TBC1D2: variants seen among roughly 807,000 people sequenced by gnomAD.
TBC1D2 encodes TBC1 domain family member 2A.
In TBC1D2, 58 loss-of-function variants were observed where a neutral mutation model predicts 91.1. The observed-to-expected ratio is 0.64, with a 90% CI of 0.52 to 0.79. The LOEUF is 0.79. Among genes scored for constraint, TBC1D2 ranks in the 30% least tolerant of loss-of-function variants. The pLI is 0.00. For synonymous variants in TBC1D2, 482 were observed against 511.5 expected (o/e 0.94, Z 0.78); for missense variants, 1,080 against 1,208.3 (o/e 0.89, Z 1.57).
chr9:98,255,053 G>C, intron 1 of TBC1D2, 120 bp downstream of exon 1: 1 of 1,461,934 alleles, frequency 6.8e-7, no homozygotes, highest in Non-Finnish European at 9.1e-7. Context: ...CAAAGTTCTT[G>C]GAACTGTCGT....
In TBC1D2 at chr9:98,199,314, G is replaced by A. The variant is rs938623167; in HGVS notation, c.*67C>T. On this transcript the variant is annotated 3_prime_UTR_variant, in exon 13 of 13. Transcript: ENST00000465784. ...ACACCCAGGGCTGGGCCACTGGTCCGTGCCTGACCTCCAGTGGGTCTGCCA... is the reference window on the plus strand; with the variant it reads ...ACACCCAGGGCTGGGCCACTGGTCCATGCCTGACCTCCAGTGGGTCTGCCA... 2.9e-5 allele frequency: 45 copies of A among 1,575,424 alleles called. No homozygotes were observed. In the East Asian group the frequency reaches 3.4e-4, roughly 12 times the overall value.
intron 4 of TBC1D2, 65 bp from the exon 5 acceptor site, chr9:98,229,213 G>T (rs1829310087): frequency 6.7e-7 from 1 of 1,496,680 alleles, no homozygotes; most frequent in Non-Finnish European, 9.2e-7. Context: ...ACCTGAGCTT[G>T]CTTTAGAAGC....
At chr9:98,253,738 C>G (rs1676909658) in intron 1 of TBC1D2, among the ~76,000 whole-genome samples, 1 of 152,158 alleles carries the variant, frequency 6.6e-6, no homozygotes. Flanking sequence ...CTAGCCCCTT[C>G]CACTTGGTGG....
At chr9:98,227,781 CA>C (rs142610908) in intron 5 of TBC1D2, among the ~76,000 whole-genome samples, 49,465 of 105,942 alleles carry the variant, frequency 0.47, 10,544 homozygotes, top group African/African-American at 0.69. Context: ...GACTCTGTCT[CA>C]AAAAAAAAAA....
At chr9:98,244,398 C>A (rs915602140) in intron 2 of TBC1D2, among the ~76,000 whole-genome samples, 2 of 152,146 alleles carry the variant, frequency 1.3e-5, no homozygotes, top group Admixed American at 6.6e-5. Flanking sequence ...GTGGCTCATG[C>A]CTGTAATCTC....
chr9:98,208,963 T>G lies in TBC1D2; in HGVS notation c.1855A>C (p.Lys619Gln). Residue 619 changes from lysine (K) to glutamine (Q), a missense_variant, in exon 9 of 13, where the codon AAG becomes CAG. Lys to Gln is a moderately conservative substitution (Grantham distance 53, BLOSUM62 1). Transcript: ENST00000465784. ...GGTACTCCTGCCCGCAGTAGCTGCTTGAGCTCGGCTGAGGGCACAAGATCG... is the reference window on the plus strand; with the variant it reads ...GGTACTCCTGCCCGCAGTAGCTGCTGGAGCTCGGCTGAGGGCACAAGATCG... ...LGDLVPSAEL[K>Q]QLLRAGVPRE... 6.2e-7 allele frequency: 1 copy of G among 1,614,074 alleles called. No individual in the cohort carries two copies. Among genetic ancestry groups the G allele is most frequent in the Non-Finnish European group, 8.5e-7 (1 of 1,180,004 alleles).
chr9:98,210,859 G>A lies in TBC1D2; in HGVS notation c.1486-16C>T, dbSNP rs372602011. On this transcript the variant is annotated splice_polypyrimidine_tract_variant and intron_variant, in intron 7 of 12. Coordinates refer to ENST00000465784, the MANE Select transcript of TBC1D2 (RefSeq NM_001267571.2). Reference sequence around the variant, plus strand: ...GGTAGGCGCACTGCAAACAGGGAAAGGCTGGTCAGGCTACCGGGTGGGAGC... The same window carrying A: ...GGTAGGCGCACTGCAAACAGGGAAAAGCTGGTCAGGCTACCGGGTGGGAGC... 8.4e-6 allele frequency: 13 copies of A among 1,547,290 alleles called. No homozygotes were observed. Among genetic ancestry groups the A allele is most frequent in the East Asian group, 7.3e-5 (3 of 40,828 alleles).
At chr9:98,207,995 C>T (rs1049316966) in intron 9 of TBC1D2, among the ~76,000 whole-genome samples, 5 of 152,130 alleles carry the variant, frequency 3.3e-5, no homozygotes, top group Admixed American at 1.3e-4. Context: ...CTCTTTTCCC[C>T]GGGTCTTCTG....
chr9:98,239,022 C>T (rs1056046079), intron 3 of TBC1D2, among the ~76,000 whole-genome samples: 4 of 151,958 alleles, frequency 2.6e-5, no homozygotes, highest in Non-Finnish European at 5.9e-5. Context: ...TGTGCCTGGC[C>T]TCCTTCTAGA....
In TBC1D2 at chr9:98,201,606, T is replaced by C. The variant is rs1429849184; in HGVS notation, c.2330A>G (p.His777Arg). Residue 777 changes from histidine to arginine, a missense_variant, in exon 11 of 13, where the codon CAT becomes CGT. By Grantham distance (29) the His-to-Arg change is conservative (BLOSUM62 0). Transcript: ENST00000465784. The stretch of plus-strand genomic sequence containing the variant: ...GAGATCCACGTGGTGCTGCCCCAGA[T>C]GGGCCATCAGCCTGGGCAGCTTCTC... The part of the protein sequence containing the change: ...LSEKLPRLMA[H>R]LGQHHVDLSL... The C allele has an allele frequency of 1.9e-6, 3 of 1,614,072 alleles. No homozygotes were observed. In the South Asian group the frequency reaches 3.3e-5, roughly 18 times the overall value.
rs1441527146 is a variant in TBC1D2 at position 98,209,100 on chromosome 9, A to C, written c.1718T>G (p.Val573Gly). 6.2e-7 allele frequency: 1 copy of C among 1,613,920 alleles called. No homozygotes were observed. Among genetic ancestry groups the C allele is most frequent in the Non-Finnish European group, 8.5e-7 (1 of 1,179,980 alleles). Reference sequence around the variant, plus strand: ...CTTGGCCAGCAGCTTCAGGTCTTCCACCTCATAGTCGGGCACCGTCAGGAA... The same window carrying C: ...CTTGGCCAGCAGCTTCAGGTCTTCCCCCTCATAGTCGGGCACCGTCAGGAA... ...YGFLTVPDYE[V>G]EDLKLLAKIQ... Residue 573 changes from valine (V) to glycine (G), a missense_variant, in exon 9 of 13, where the codon GTG becomes GGG. Val to Gly is a moderately radical substitution (Grantham distance 109). Coordinates refer to ENST00000465784, the MANE Select transcript of TBC1D2 (RefSeq NM_001267571.2).
chr9:98,224,275 CTTTTCTTTTTTTTTTTTTT>C (rs1243085909), intron 5 of TBC1D2, among the ~76,000 whole-genome samples: 2 of 125,702 alleles, frequency 1.6e-5, no homozygotes, highest in African/African-American at 6.0e-5. Context: ...GTTTTTTTTT[CTTTTCTTTTTTTTTTTTTT>C]TTTTTTGAGA....
chr9:98,231,197 G>A (rs1014768377), intron 4 of TBC1D2, among the ~76,000 whole-genome samples: 1 of 151,002 alleles, frequency 6.6e-6, no homozygotes, highest in Non-Finnish European at 1.5e-5. Flanking sequence ...TCATAGGAGT[G>A]CCTCAAGGGC....
intron 2 of TBC1D2, 111 bp downstream of exon 2, chr9:98,251,674 G>A: frequency 7.1e-7 from 1 of 1,408,526 alleles, no homozygotes; most frequent in Non-Finnish European, 9.2e-7. Flanking sequence ...TCATATCCCT[G>A]GCTCTCTGCT....
intron 5 of TBC1D2, among the ~76,000 whole-genome samples, chr9:98,223,297 C>T (rs1281717454): frequency 6.6e-6 from 1 of 152,134 alleles, no homozygotes; most frequent in Non-Finnish European, 1.5e-5. Flanking sequence ...CCAGATGTGG[C>T]CAAGCTACAG....
chr9:98,227,151 A>G (rs1478110336), intron 5 of TBC1D2, among the ~76,000 whole-genome samples: 2 of 152,234 alleles, frequency 1.3e-5, no homozygotes, highest in African/African-American at 4.8e-5. Flanking sequence ...CAGCAGCCTC[A>G]GAACTGGAGC....
At chr9:98,250,900 C>T (rs144190375) in intron 2 of TBC1D2, among the ~76,000 whole-genome samples, 170 of 152,150 alleles carry the variant, frequency 1.1e-3, no homozygotes, top group Non-Finnish European at 1.9e-3. Context: ...GACTCTTCCA[C>T]GTTGGGATGA....
At chr9:98,241,378 T>C (rs1468977897) in intron 3 of TBC1D2, among the ~76,000 whole-genome samples, 1 of 152,164 alleles carries the variant, frequency 6.6e-6, no homozygotes, top group Non-Finnish European at 1.5e-5. Flanking sequence ...TCCCTGAGTA[T>C]GACCCGGGTT....
chr9:98,237,295 G>A (rs1829527977), intron 3 of TBC1D2, among the ~76,000 whole-genome samples: 1 of 151,074 alleles, frequency 6.6e-6, no homozygotes, highest in Non-Finnish European at 1.5e-5. Flanking sequence ...TGCAGTGAGT[G>A]GAGATTGCGC....
Sources: allele counts gnomAD v4.1 joint callset (sites outside exome capture counted in the v4.1 genomes callset), GRCh38; gene constraint gnomAD v4.1.1; transcripts MANE v1.5; gene names NCBI Gene and HGNC (gene_info 2026-07-23, HGNC 2026-07-21).